The following ADGRG6 variants were observed in gnomAD, a reference collection of about 807,000 sequenced individuals.
The protein encoded by ADGRG6 is G-protein coupled receptor 126.
ADGRG6 carries 84 observed loss-of-function variants against 142.4 expected under a neutral mutation model. The observed-to-expected ratio is 0.59, with a 90% CI of 0.49 to 0.71. The LOEUF is 0.71. ADGRG6 is among the 30% of genes least tolerant of loss of function. The pLI is 0.00. For synonymous variants in ADGRG6, 521 were observed against 520.5 expected (o/e 1.00, Z -0.01); for missense variants, 1,367 against 1,466.6 (o/e 0.93, Z 1.11).
intron 2 of ADGRG6, among the ~76,000 whole-genome samples, chr6:142,330,059 A>AT (rs879310012): frequency 3.2e-3 from 470 of 146,326 alleles, no homozygotes; most frequent in South Asian, 5.8e-3. Context: ...TGCCACTGCA[A>AT]TTTTTTTTTT....
intron 6 of ADGRG6, among the ~76,000 whole-genome samples, chr6:142,384,453 A>G (rs1390871201): frequency 1.3e-5 from 2 of 152,170 alleles, no homozygotes; most frequent in East Asian, 3.8e-4. Context: ...TCTATTATTT[A>G]TAATTTGCAA....
intron 2 of ADGRG6, among the ~76,000 whole-genome samples, chr6:142,323,366 A>G (rs972915764): frequency 6.6e-5 from 10 of 152,122 alleles, no homozygotes; most frequent in African/African-American, 2.4e-4. Context: ...CATTAAAAAA[A>G]GGTGAGGCTC....
At chr6:142,333,466 G>C (rs1193925395) in intron 2 of ADGRG6, among the ~76,000 whole-genome samples, 2 of 152,174 alleles carry the variant, frequency 1.3e-5, no homozygotes, top group Admixed American at 1.3e-4. Context: ...AGTGAAGACT[G>C]AATGTTGCAG....
chr6:142,302,572 T>C lies in ADGRG6; in HGVS notation c.2+241T>C, dbSNP rs1777280462. 6 of 519,466 alleles carry C rather than the reference T, an allele frequency of 1.2e-5. No individual in the cohort carries two copies. In the South Asian group the frequency reaches 1.9e-4, roughly 16 times the overall value. 32.2% of individuals were successfully genotyped at this position (519,466 alleles called of 1,614,324 possible). Reference sequence around the variant, plus strand: ...TTTTTTTCCCCCAGCGAGGTAAACCTCACATTTGGGCGGTGTAAAGCCTAA... The same window carrying C: ...TTTTTTTCCCCCAGCGAGGTAAACCCCACATTTGGGCGGTGTAAAGCCTAA... On this transcript the variant is annotated intron_variant, in intron 1 of 24. Coordinates refer to ENST00000367609, the MANE Select transcript of ADGRG6 (RefSeq NM_198569.3).
chr6:142,349,986 G>T (rs1435409596), intron 2 of ADGRG6, among the ~76,000 whole-genome samples: 4 of 152,088 alleles, frequency 2.6e-5, no homozygotes, highest in Non-Finnish European at 4.4e-5. Flanking sequence ...ACCAGCACTC[G>T]GGATATATTT....
At chr6:142,432,392 G>A (rs936060378) in intron 22 of ADGRG6, among the ~76,000 whole-genome samples, 13 of 152,042 alleles carry the variant, frequency 8.6e-5, no homozygotes, top group African/African-American at 2.7e-4. Flanking sequence ...ATTTAAAATA[G>A]AAATGAATCT....
chr6:142,378,330 A>C lies in ADGRG6; in HGVS notation c.1070-3621A>C, dbSNP rs573982994. 1.6e-4 allele frequency among the ~76,000 whole-genome samples: 24 copies of C among 152,330 alleles called. 1 individual carries two copies. The highest frequency in any genetic ancestry group is 1.4e-3 in the South Asian group (7 of 4,828). ...CCAGAAGTGGCCTAAGAAGCCCTTG[A>C]CTGCCAACATTGTGTGTAATATGAG... On this transcript the variant is annotated intron_variant, in intron 4 of 24. Transcript: ENST00000367609.
intron 2 of ADGRG6, among the ~76,000 whole-genome samples, chr6:142,363,585 A>G (rs1780816416): frequency 6.6e-6 from 1 of 152,170 alleles, no homozygotes; most frequent in South Asian, 2.1e-4. Context: ...AATTATATGT[A>G]AGAATATGTT....
chr6:142,354,263 C>T (rs987798130), intron 2 of ADGRG6, among the ~76,000 whole-genome samples: 5 of 152,136 alleles, frequency 3.3e-5, no homozygotes, highest in Non-Finnish European at 5.9e-5. Flanking sequence ...CCTGTAATCC[C>T]GGCTACTCAG....
chr6:142,341,548 T>G (rs1779641654), intron 2 of ADGRG6, among the ~76,000 whole-genome samples: 1 of 119,494 alleles, frequency 8.4e-6, no homozygotes, highest in Non-Finnish European at 1.6e-5. Flanking sequence ...GTATATAATA[T>G]ATAGTATATA....
intron 3 of ADGRG6, 33 bp downstream of exon 3, chr6:142,367,943 C>A: frequency 8.0e-7 from 1 of 1,246,356 alleles, no homozygotes; most frequent in Non-Finnish European, 1.1e-6. Context: ...CAACCTTCTG[C>A]TTTTATTTAA....
chr6:142,403,651 A>C, intron 13 of ADGRG6, 151 bp from the exon 14 acceptor site: 1 of 549,110 alleles, frequency 1.8e-6, no homozygotes, highest in Non-Finnish European at 3.1e-6. Context: ...ATCACTGTGG[A>C]TTGGGGTAAT....
At chr6:142,415,311 G>A (rs544365345) in intron 19 of ADGRG6, among the ~76,000 whole-genome samples, 1 of 152,168 alleles carries the variant, frequency 6.6e-6, no homozygotes, top group East Asian at 1.9e-4. Flanking sequence ...ATTCAAATCT[G>A]TTAGAAATGA....
chr6:142,386,085 G>A (rs889176344), intron 6 of ADGRG6, among the ~76,000 whole-genome samples: 2 of 152,162 alleles, frequency 1.3e-5, no homozygotes, highest in African/African-American at 4.8e-5. Flanking sequence ...GAGTTTGCTT[G>A]ATAATCAGAT....
chr6:142,316,083 G>A (rs1200222838), intron 2 of ADGRG6, among the ~76,000 whole-genome samples: 3 of 151,940 alleles, frequency 2.0e-5, no homozygotes, highest in African/African-American at 7.3e-5. Context: ...TCAGGAAAAT[G>A]GTTTGAATTA....
intron 2 of ADGRG6, among the ~76,000 whole-genome samples, chr6:142,313,762 A>C (rs1334094296): frequency 6.6e-6 from 1 of 152,144 alleles, no homozygotes; most frequent in African/African-American, 2.4e-5. Context: ...TTTTCTTATG[A>C]TCATAACATC....
chr6:142,409,039 T>C (rs1246832848), intron 16 of ADGRG6, among the ~76,000 whole-genome samples: 1 of 152,170 alleles, frequency 6.6e-6, no homozygotes, highest in Non-Finnish European at 1.5e-5. Context: ...ATACATAATA[T>C]AAATGTATCA....
intron 2 of ADGRG6, among the ~76,000 whole-genome samples, chr6:142,364,315 A>G (rs930871326): frequency 6.6e-6 from 1 of 152,154 alleles, no homozygotes; most frequent in African/African-American, 2.4e-5. Context: ...CTATCTCTAA[A>G]TGCTGTCTAG....
chr6:142,368,624 T>C (rs369794152), intron 3 of ADGRG6, among the ~76,000 whole-genome samples: 1 of 152,040 alleles, frequency 6.6e-6, no homozygotes, highest in Non-Finnish European at 1.5e-5. Flanking sequence ...GATTTAGTTA[T>C]ACTTTTTTTT....
Sources: gnomAD v4.1 joint callset for allele counts (sites outside exome capture counted in the v4.1 genomes callset) on GRCh38, gnomAD v4.1.1 for gene constraint, MANE v1.5 for transcripts, NCBI Gene and HGNC (gene_info 2026-07-23, HGNC 2026-07-21) for gene names.